The following VMP1 variants were observed in gnomAD, a reference collection of about 807,000 sequenced individuals.
VMP1 encodes the protein ectopic P-granules autophagy protein 3 homolog.
In VMP1, 11 loss-of-function variants were observed where a neutral mutation model predicts 56.0. That is an observed-to-expected ratio of 0.20 (90% CI 0.12 to 0.32). The LOEUF is 0.32. Ranked by LOEUF, VMP1 falls within the 10% of genes least tolerant of loss-of-function variation. VMP1 has a pLI of 1.00. For missense variants in VMP1, 296 were observed against 490.3 expected, an observed-to-expected ratio of 0.60 and a Z score of 3.74; for synonymous variants, 149 against 165.0, an observed-to-expected ratio of 0.90 and a Z score of 0.74.
At chr17:59,837,168 A>T (rs1457261441) in intron 10 of VMP1, among the ~76,000 whole-genome samples, 1 of 151,670 alleles carries the variant, frequency 6.6e-6, no homozygotes, top group East Asian at 1.9e-4. Context: ...AGGCCATTGC[A>T]CTCCAGCCTG....
chr17:59,817,697 G>A lies in VMP1; in HGVS notation c.913-15G>A, dbSNP rs1249069153. Reference sequence around the variant, plus strand: ...ATGACTAAATAATTTATTTTAACTGGTGTTTTCTTTACAGAAAATTTTTGT... The same window carrying A: ...ATGACTAAATAATTTATTTTAACTGATGTTTTCTTTACAGAAAATTTTTGT... On this transcript the variant is annotated splice_polypyrimidine_tract_variant and intron_variant, in intron 9 of 11. Transcript: ENST00000262291. 1.9e-6 allele frequency: 3 copies of A among 1,577,250 alleles called. No individual in the cohort carries two copies. The highest frequency in any genetic ancestry group is 1.4e-5 in the African/African-American group (1 of 73,626).
At chr17:59,743,086 A>G (rs1299838001) in intron 5 of VMP1, among the ~76,000 whole-genome samples, 4 of 152,204 alleles carry the variant, frequency 2.6e-5, no homozygotes. Context: ...GTTACAATTG[A>G]GGAACCAATA....
intron 5 of VMP1, among the ~76,000 whole-genome samples, chr17:59,743,083 T>G (rs979337162): frequency 2.0e-5 from 3 of 152,190 alleles, no homozygotes; most frequent in Admixed American, 6.5e-5. Flanking sequence ...TTTGTTACAA[T>G]TGAGGAACCA....
chr17:59,720,645 T>G (rs2034353754), intron 1 of VMP1, among the ~76,000 whole-genome samples: 1 of 152,200 alleles, frequency 6.6e-6, no homozygotes, highest in African/African-American at 2.4e-5. Flanking sequence ...ATTAAGCGAC[T>G]GCTATGTGCC....
At chr17:59,766,882 C>T (rs1271530920) in intron 6 of VMP1, among the ~76,000 whole-genome samples, 2 of 151,892 alleles carry the variant, frequency 1.3e-5, no homozygotes, top group African/African-American at 4.8e-5. Flanking sequence ...CAGGTTCAAG[C>T]AATTCTCCTG....
At chr17:59,801,091 A>AATATATAT (rs66523131) in intron 7 of VMP1, among the ~76,000 whole-genome samples, 1 of 109,358 alleles carries the variant, frequency 9.1e-6, no homozygotes, top group Admixed American at 9.8e-5. Context: ...AAAAAAAAAA[A>AATATATAT]ATATATATAT....
At chr17:59,764,606 G>A (rs989565638) in intron 5 of VMP1, among the ~76,000 whole-genome samples, 1 of 152,228 alleles carries the variant, frequency 6.6e-6, no homozygotes, top group Non-Finnish European at 1.5e-5. Context: ...ATACAGGCAT[G>A]AGCTGCTGTG....
intron 7 of VMP1, among the ~76,000 whole-genome samples, chr17:59,777,959 G>A (rs2036684567): frequency 6.6e-6 from 1 of 152,162 alleles, no homozygotes; most frequent in South Asian, 2.1e-4. Context: ...TTTAGTCTCT[G>A]TTCTTGCTTC....
chr17:59,763,296 T>C (rs939080047), intron 5 of VMP1, among the ~76,000 whole-genome samples: 1 of 152,112 alleles, frequency 6.6e-6, no homozygotes, highest in Non-Finnish European at 1.5e-5. Flanking sequence ...GTGTGAAATC[T>C]CTTGTGTGCA....
intron 3 of VMP1, among the ~76,000 whole-genome samples, chr17:59,736,238 A>G (rs2035009663): frequency 6.6e-6 from 1 of 151,852 alleles, no homozygotes. Flanking sequence ...CCCCGTCTCT[A>G]CTAAAAATAT....
intron 1 of VMP1, among the ~76,000 whole-genome samples, chr17:59,725,503 T>C (rs1362194051): frequency 1.3e-5 from 2 of 151,532 alleles, no homozygotes; most frequent in African/African-American, 4.9e-5. Flanking sequence ...TTATTTTGGC[T>C]GTTTCATACT....
At chr17:59,754,179 C>G (rs2035754982) in intron 5 of VMP1, among the ~76,000 whole-genome samples, 1 of 151,966 alleles carries the variant, frequency 6.6e-6, no homozygotes, top group South Asian at 2.1e-4. Flanking sequence ...CAATTGATGA[C>G]TAAAAAGAAA....
Position 59,780,565 on chromosome 17 carries a change from GTTTGTT to G in VMP1, c.714+6696_714+6701del, listed in dbSNP as rs1255223087. Reference sequence around the variant, plus strand: ...CCTCCTATATTGGATTTTTCGTGTTGTTTGTTTTTGTTTTTGTTTTTTGTTTTTTGT... The same window carrying G: ...CCTCCTATATTGGATTTTTCGTGTTGTTTGTTTTTGTTTTTTGTTTTTTGT... On this transcript the variant is annotated intron_variant, in intron 7 of 11. Coordinates refer to ENST00000262291, the MANE Select transcript of VMP1 (RefSeq NM_030938.5). Among the ~76,000 whole-genome samples, 1,133 of 152,162 alleles carry G rather than the reference GTTTGTT, an allele frequency of 7.4e-3. 15 individuals are homozygous for G. The highest frequency in any genetic ancestry group is 0.026 in the African/African-American group (1,082 of 41,524).
intron 9 of VMP1, among the ~76,000 whole-genome samples, chr17:59,812,445 A>T (rs555046374): frequency 6.6e-6 from 1 of 152,332 alleles, no homozygotes; most frequent in East Asian, 1.9e-4. Context: ...GTGTGTGTGC[A>T]CACATATATG....
intron 10 of VMP1, among the ~76,000 whole-genome samples, chr17:59,834,866 C>T (rs2038929863): frequency 6.6e-6 from 1 of 151,160 alleles, no homozygotes; most frequent in Admixed American, 6.6e-5. Context: ...TCAGGTGATC[C>T]ACCTGCCTCG....
chr17:59,808,035 A>G (rs1411101160), intron 7 of VMP1, among the ~76,000 whole-genome samples: 1 of 152,146 alleles, frequency 6.6e-6, no homozygotes, highest in Non-Finnish European at 1.5e-5. Context: ...TTAAAGTCAA[A>G]TATTTGTAGC....
chr17:59,788,079 A>C (rs892592987), intron 7 of VMP1, among the ~76,000 whole-genome samples: 14 of 152,366 alleles, frequency 9.2e-5, no homozygotes, highest in Non-Finnish European at 1.8e-4. Context: ...ATTATCATTG[A>C]AACAAGATGA....
At chr17:59,828,634 G>A (rs1035452273) in intron 10 of VMP1, among the ~76,000 whole-genome samples, 5 of 152,298 alleles carry the variant, frequency 3.3e-5, no homozygotes, top group African/African-American at 9.6e-5. Context: ...GTCCAAACTT[G>A]TATATATGAG....
At chr17:59,774,710 T>G (rs1489534030) in intron 7 of VMP1, among the ~76,000 whole-genome samples, 1 of 152,072 alleles carries the variant, frequency 6.6e-6, no homozygotes, top group Non-Finnish European at 1.5e-5. Flanking sequence ...TGATTTAGGG[T>G]CTCACTCTGT....
Sources: allele counts gnomAD v4.1 joint callset (sites outside exome capture counted in the v4.1 genomes callset), GRCh38; gene constraint gnomAD v4.1.1; transcripts MANE v1.5; gene names NCBI Gene and HGNC (gene_info 2026-07-23, HGNC 2026-07-21).